Variants in CNTFR observed in about 807,000 individuals in gnomAD.
CNTFR encodes the protein ciliary neurotrophic factor receptor.
CNTFR carries 12 observed loss-of-function variants against 40.4 expected under a neutral mutation model. The observed-to-expected ratio is 0.30, with a 90% CI of 0.19 to 0.48. The LOEUF is 0.48. Ranked by LOEUF, CNTFR falls within the 20% of genes least tolerant of loss-of-function variation. The probability of loss-of-function intolerance (pLI) is 0.99; values close to 1 mark genes in which losing one functional copy is unlikely to be tolerated. For synonymous variants in CNTFR, 202 were observed against 209.6 expected (o/e 0.96, Z 0.31); for missense variants, 414 against 506.8 (o/e 0.82, Z 1.76).
chr9:34,582,907 G>A (rs1322622639), intron 1 of CNTFR: 2 of 152,282 alleles, frequency 1.3e-5, no homozygotes, highest in African/African-American at 4.8e-5. Flanking sequence ...ACCTTCACAA[G>A]AAACAGACTG....
chr9:34,566,567 C>T (rs1196661527), intron 3 of CNTFR, among the ~76,000 whole-genome samples: 1 of 152,176 alleles, frequency 6.6e-6, no homozygotes, highest in African/African-American at 2.4e-5. Context: ...CTTCCAAAAA[C>T]CTGGAGCTTC....
chr9:34,560,950 G>A (rs1278700283), intron 4 of CNTFR, among the ~76,000 whole-genome samples: 3 of 152,178 alleles, frequency 2.0e-5, no homozygotes, highest in Admixed American at 6.5e-5. Flanking sequence ...TGGAGCCCCC[G>A]GCACGCATGA....
At position 34,557,955 on chromosome 9, in the gene CNTFR, G is replaced by C; in HGVS notation, c.349C>G (p.Arg117Gly). The stretch of plus-strand genomic sequence containing the variant: ...AAGCCCTTGGGGTAAGTGTTGGAGC[G>C]GCAGCTGAGCACAGGCTCCCGCGGC... ...LPPREPVLSC[R>G]SNTYPKGFYC... The change falls in exon 5 of 10, where the codon CGC (arginine) becomes GGC (glycine). Residue 117 changes from arginine (R) to glycine (G), a missense_variant. This residue lies in a region of CNTFR where 250 missense variants were observed against 269.5 expected (regional missense o/e 0.93). Transcript: ENST00000378980. This position sits in a 1 kb window ranked among gnomAD's most constrained non-coding sequence, Gnocchi z 4.2. 5 of 1,557,738 alleles carry C rather than the reference G, an allele frequency of 3.2e-6. No individual in the cohort carries two copies. The highest frequency in any genetic ancestry group is 4.3e-6 in the Non-Finnish European group (5 of 1,152,554).
intron 2 of CNTFR, among the ~76,000 whole-genome samples, chr9:34,574,146 G>T (rs941457903): frequency 6.6e-6 from 1 of 151,838 alleles, no homozygotes; most frequent in African/African-American, 2.4e-5. Flanking sequence ...GGGGTGGGGG[G>T]ACCAGGCCGA....
intron 7 of CNTFR, among the ~76,000 whole-genome samples, chr9:34,553,255 T>A (rs895818448): frequency 3.3e-5 from 5 of 152,054 alleles, no homozygotes; most frequent in Admixed American, 2.0e-4. Flanking sequence ...ATGGTAATGC[T>A]GTCCTCCTCT....
In CNTFR at chr9:34,552,569, C is replaced by A. The variant is rs1825679610; in HGVS notation, c.949+105G>T. The A allele has an allele frequency of 1.6e-6, 2 of 1,259,592 alleles. No individual in the cohort carries two copies. Among genetic ancestry groups the A allele is most frequent in the East Asian group, 2.5e-5 (1 of 39,672 alleles). The allele number at this position is 1,259,592 out of a possible 1,614,324, so 78.0% of individuals were successfully genotyped here. On this transcript the variant is annotated intron_variant, in intron 8 of 9. Coordinates refer to ENST00000378980, the MANE Select transcript of CNTFR (RefSeq NM_147164.3). The surrounding 1 kb of genome is among the most constrained non-coding windows in gnomAD (Gnocchi z 5.1). ...GACAGACAGGCAGAAGTGTGGCTAC[C>A]CCCGGGAGCAGAGGCTGGAGGCAGC...
chr9:34,580,573 G>C (rs530115395), intron 2 of CNTFR, among the ~76,000 whole-genome samples: 4 of 152,160 alleles, frequency 2.6e-5, no homozygotes, highest in African/African-American at 7.2e-5. Flanking sequence ...AGGCCCTTCC[G>C]TTCCGCTCCA....
chr9:34,557,736 T>C lies in CNTFR; in HGVS notation c.438-44A>G. Reference sequence around the variant, plus strand: ...CAGGCACTGTTACGAACATCAAGGGTCAGGTGGGGCAGAGGTTGAGGAAAG... The same window carrying C: ...CAGGCACTGTTACGAACATCAAGGGCCAGGTGGGGCAGAGGTTGAGGAAAG... On this transcript the variant is annotated intron_variant, in intron 5 of 9. Coordinates refer to ENST00000378980, the MANE Select transcript of CNTFR (RefSeq NM_147164.3). The surrounding 1 kb of genome is among the most constrained non-coding windows in gnomAD (Gnocchi z 4.2). 6.2e-7 allele frequency: 1 copy of C among 1,611,018 alleles called. No homozygotes were observed. Among genetic ancestry groups the C allele is most frequent in the Non-Finnish European group, 8.5e-7 (1 of 1,177,584 alleles).
rs892412927 is a variant in CNTFR, at chr9:34,557,199, G to C, written c.604+327C>G. ...TAAGGAAGCCATTAGAGTTGGGGGG[G>C]GGTGCGGTGGAGGCTGCAGCTGCAC... is the stretch of plus-strand genomic sequence containing the variant. On this transcript the variant is annotated intron_variant, in intron 6 of 9. Transcript: ENST00000378980. This position sits in a 1 kb window ranked among gnomAD's most constrained non-coding sequence, Gnocchi z 4.2. Among the ~76,000 whole-genome samples, 2 of 151,406 alleles carry C rather than the reference G, an allele frequency of 1.3e-5. No individual in the cohort carries two copies. The highest frequency in any genetic ancestry group is 4.8e-5 in the African/African-American group (2 of 41,390).
At chr9:34,588,767 C>A (rs1052386546) in intron 1 of CNTFR, among the ~76,000 whole-genome samples, 5 of 152,136 alleles carry the variant, frequency 3.3e-5, no homozygotes, top group African/African-American at 1.2e-4. Flanking sequence ...AGGAGAGGAG[C>A]CGAGAGGGAG....
At chr9:34,586,954 G>C (rs1827572796) in intron 1 of CNTFR, among the ~76,000 whole-genome samples, 1 of 152,232 alleles carries the variant, frequency 6.6e-6, no homozygotes, top group Non-Finnish European at 1.5e-5. Flanking sequence ...TGAGTCCTAA[G>C]TTCCACTGGG....
intron 4 of CNTFR, among the ~76,000 whole-genome samples, 194 bp downstream of exon 4, chr9:34,564,391 TGGGCAAATTGTCTA>T (rs1826191535): frequency 6.6e-6 from 1 of 152,104 alleles, no homozygotes; most frequent in Non-Finnish European, 1.5e-5. Flanking sequence ...GTGGGATGTG[TGGGCAAATTGTCTA>T]GGGGTCTGGA....
intron 2 of CNTFR, among the ~76,000 whole-genome samples, 182 bp downstream of exon 2, chr9:34,580,913 C>T (rs1360480499): frequency 6.6e-6 from 1 of 152,144 alleles, no homozygotes; most frequent in Non-Finnish European, 1.5e-5. Context: ...TCTTCCCTTT[C>T]TATTTGAGAG....
intron 1 of CNTFR, among the ~76,000 whole-genome samples, chr9:34,585,251 G>A (rs930178170): frequency 1.3e-5 from 2 of 152,180 alleles, no homozygotes; most frequent in African/African-American, 4.8e-5. Flanking sequence ...AGAGCTCAGA[G>A]GCAACTACTG....
intron 2 of CNTFR, among the ~76,000 whole-genome samples, chr9:34,570,951 C>T (rs1826586197): frequency 6.6e-6 from 1 of 152,154 alleles, no homozygotes; most frequent in Admixed American, 6.5e-5. Context: ...CCTGCTTTTC[C>T]TTTCCTCCCT....
At position 34,557,113 on chromosome 9, in the gene CNTFR, G is replaced by A. The variant is rs1321082856; in HGVS notation, c.604+413C>T. ...TCTGGCTGGGATGGGGGGGGTCAGG[G>A]GGAGGGCAGTATCTGTCCCAGTCCT... On this transcript the variant is annotated intron_variant, in intron 6 of 9. Transcript: ENST00000378980. The surrounding 1 kb of genome is among the most constrained non-coding windows in gnomAD (Gnocchi z 4.2). Among the ~76,000 whole-genome samples the A allele has an allele frequency of 2.0e-5, 3 of 151,476 alleles. No homozygotes were observed. Among genetic ancestry groups the A allele is most frequent in the African/African-American group, 7.3e-5 (3 of 41,214 alleles).
chr9:34,554,384 T>C (rs1825753064), intron 7 of CNTFR, among the ~76,000 whole-genome samples: 1 of 152,146 alleles, frequency 6.6e-6, no homozygotes, highest in Non-Finnish European at 1.5e-5. Flanking sequence ...GTGGGCACCA[T>C]ACCTCCAGGA....
intron 2 of CNTFR, among the ~76,000 whole-genome samples, chr9:34,575,975 G>A (rs959396671): frequency 1.3e-5 from 2 of 148,744 alleles, no homozygotes; most frequent in Admixed American, 6.6e-5. Context: ...TTCCTGATGG[G>A]TAAACACAGG....
chr9:34,557,291 A>C lies in CNTFR; in HGVS notation c.604+235T>G, dbSNP rs1207573514. ...GTTCTGGGAGCCAGAAAAATGATCG[A>C]AAGAGCTGCTGGACAGGTCTCTCGG... On this transcript the variant is annotated intron_variant, in intron 6 of 9. Transcript: ENST00000378980. The surrounding 1 kb of genome is among the most constrained non-coding windows in gnomAD (Gnocchi z 4.2). 6.6e-6 allele frequency among the ~76,000 whole-genome samples: 1 copy of C among 152,116 alleles called. No individual in the cohort carries two copies. The highest frequency in any genetic ancestry group is 1.5e-5 in the Non-Finnish European group (1 of 68,008).
Sources: allele counts gnomAD v4.1 joint callset (sites outside exome capture counted in the v4.1 genomes callset), GRCh38; gene constraint gnomAD v4.1.1; regional missense constraint gnomAD v4.1.1; non-coding constraint Gnocchi (gnomAD v3.1); transcripts MANE v1.5; gene names NCBI Gene and HGNC (gene_info 2026-07-23, HGNC 2026-07-21).